Variants in ANXA8 observed in about 807,000 individuals in gnomAD.
ANXA8 encodes the protein VAC-beta.
In ANXA8, 9 loss-of-function variants were observed where a neutral mutation model predicts 26.8. That is an observed-to-expected ratio of 0.34 (90% CI 0.20 to 0.59). The LOEUF is 0.59. Among genes scored for constraint, ANXA8 ranks in the 20% least tolerant of loss-of-function variants. The probability of loss-of-function intolerance (pLI) is 0.84; values close to 1 mark genes in which losing one functional copy is unlikely to be tolerated. For missense variants in ANXA8, 83 were observed against 238.5 expected, an observed-to-expected ratio of 0.35 and a Z score of 4.29; for synonymous variants, 39 against 94.8, an observed-to-expected ratio of 0.41 and a Z score of 3.42.
the ANXA8 span, chr10:47,691,123 A>T: frequency 1.1e-5 from 17 of 1,609,520 alleles, no homozygotes; most frequent in Middle Eastern, 2.3e-4. Context: ...CTTTAGCAAC[A>T]GTTACAGTAA....
the ANXA8 span, among the ~76,000 whole-genome samples, chr10:47,968,820 C>T: frequency 6.8e-6 from 1 of 147,622 alleles, no homozygotes; most frequent in African/African-American, 2.4e-5. Flanking sequence ...AAAGGGATTA[C>T]CCAAGCAAAA....
the ANXA8 span, chr10:47,727,076 A>G: frequency 2.5e-6 from 2 of 793,562 alleles, no homozygotes; most frequent in Non-Finnish European, 4.4e-6. Context: ...AAACAGAAGG[A>G]TAATTTAGCT....
the ANXA8 span, among the ~76,000 whole-genome samples, chr10:47,652,362 C>T: frequency 1.3e-5 from 2 of 151,678 alleles, no homozygotes; most frequent in Non-Finnish European, 2.9e-5. Flanking sequence ...TTTGGGAGGC[C>T]GAGGCGAGTG....
At chr10:47,521,601 T>C in the ANXA8 span, among the ~76,000 whole-genome samples, 2 of 143,968 alleles carry the variant, frequency 1.4e-5, no homozygotes, top group African/African-American at 5.1e-5. Flanking sequence ...TATGATGCAA[T>C]GTTTTCTATT....
At chr10:47,497,697 G>C in the ANXA8 span, among the ~76,000 whole-genome samples, 2 of 148,092 alleles carry the variant, frequency 1.4e-5, no homozygotes, top group Non-Finnish European at 3.0e-5. Flanking sequence ...CAGAACTTTG[G>C]GAGGCCAAGG....
chr10:47,942,685 C>T, the ANXA8 span, among the ~76,000 whole-genome samples: 7 of 142,548 alleles, frequency 4.9e-5, no homozygotes, highest in East Asian at 1.3e-3. Context: ...ACCTACTCCT[C>T]TGCCTTGGCT....
chr10:47,693,276 G>A, the ANXA8 span, among the ~76,000 whole-genome samples: 1 of 151,312 alleles, frequency 6.6e-6, no homozygotes, highest in Non-Finnish European at 1.5e-5. Context: ...GTTCCTGTAG[G>A]ATTGTCAAGT....
At chr10:47,762,743 G>GCGGT in the ANXA8 span, 2 of 1,119,192 alleles carry the variant, frequency 1.8e-6, no homozygotes, top group African/African-American at 3.4e-5. Flanking sequence ...GAGCACAGGG[G>GCGGT]CGGTCCGTGG....
the ANXA8 span, among the ~76,000 whole-genome samples, chr10:47,667,272 T>C: frequency 1.3e-5 from 2 of 152,034 alleles, no homozygotes; most frequent in African/African-American, 4.8e-5. Context: ...TTTCACTGTA[T>C]GTAACATTGA....
the ANXA8 span, among the ~76,000 whole-genome samples, chr10:47,941,938 T>C: frequency 6.8e-6 from 1 of 147,686 alleles, no homozygotes; most frequent in Non-Finnish European, 1.5e-5. Context: ...TAGTGAAAGA[T>C]AAGAAACAAT....
At chr10:47,665,098 T>C in the ANXA8 span, among the ~76,000 whole-genome samples, 41 of 149,014 alleles carry the variant, frequency 2.8e-4, no homozygotes, top group Middle Eastern at 3.4e-3. Context: ...ATTTTGTTTT[T>C]TTGGCCATAG....
the ANXA8 span, among the ~76,000 whole-genome samples, chr10:47,736,656 T>C: frequency 2.0e-5 from 3 of 151,376 alleles, no homozygotes; most frequent in Non-Finnish European, 2.9e-5. Context: ...TTTTCTTTTT[T>C]CTTTTTCTTT....
chr10:47,650,944 CAGTG>C, the ANXA8 span, among the ~76,000 whole-genome samples: 7 of 149,280 alleles, frequency 4.7e-5, no homozygotes, highest in Non-Finnish European at 1.5e-5. Context: ...ATAAAAATCA[CAGTG>C]AGGCCAGGTG....
At chr10:47,986,950 G>T in the ANXA8 span, 86 of 515,562 alleles carry the variant, frequency 1.7e-4, 3 homozygotes, top group African/African-American at 3.9e-5. Context: ...TCACGAGGGG[G>T]GACGCGACCT....
chr10:47,973,650 C>T, the ANXA8 span, among the ~76,000 whole-genome samples: 4 of 150,888 alleles, frequency 2.7e-5, no homozygotes, highest in Non-Finnish European at 4.5e-5. Flanking sequence ...CATTTCATTA[C>T]TTCAGATCTC....
At chr10:47,595,659 CA>C in the ANXA8 span, among the ~76,000 whole-genome samples, 6 of 144,078 alleles carry the variant, frequency 4.2e-5, no homozygotes, top group South Asian at 2.1e-4. Context: ...GAAACAAGGA[CA>C]AAAAAATGTT....
chr10:47,958,081 C>G, the ANXA8 span, among the ~76,000 whole-genome samples: 1 of 150,370 alleles, frequency 6.7e-6, no homozygotes, highest in South Asian at 2.1e-4. Flanking sequence ...ACAATTCAAC[C>G]CACTCCAGGA....
the ANXA8 span, among the ~76,000 whole-genome samples, chr10:47,929,528 A>T: frequency 3.9e-5 from 2 of 51,408 alleles, 1 homozygote; most frequent in East Asian, 5.8e-4. Context: ...CTTCTCCCTG[A>T]CCTCCACATT....
chr10:47,967,273 T>C, the ANXA8 span, among the ~76,000 whole-genome samples: 1 of 151,058 alleles, frequency 6.6e-6, no homozygotes, highest in African/African-American at 2.4e-5. Flanking sequence ...TCCACAATGC[T>C]TAGTAGCATG....
Sources: gnomAD v4.1 joint callset for allele counts (sites outside exome capture counted in the v4.1 genomes callset) on GRCh38, gnomAD v4.1.1 for gene constraint, MANE v1.5 for transcripts, NCBI Gene and HGNC (gene_info 2026-07-23, HGNC 2026-07-21) for gene names.